GRAMD2B: variants seen among roughly 807,000 people sequenced by gnomAD.
GRAMD2B encodes GRAM domain containing 2B.
GRAMD2B carries 41 observed loss-of-function variants against 59.2 expected under a neutral mutation model. The observed-to-expected ratio is 0.69, with a 90% CI of 0.54 to 0.90. GRAMD2B has a LOEUF of 0.90. Among genes scored for constraint, GRAMD2B ranks in the 40% least tolerant of loss-of-function variants. GRAMD2B has a pLI of 0.00. For synonymous variants in GRAMD2B, 161 were observed against 182.7 expected (o/e 0.88, Z 0.96); for missense variants, 424 against 500.5 (o/e 0.85, Z 1.46).
intron 1 of GRAMD2B, among the ~76,000 whole-genome samples, chr5:126,379,931 C>CTT (rs1026510806): frequency 2.6e-5 from 4 of 152,008 alleles, no homozygotes; most frequent in African/African-American, 9.7e-5. Flanking sequence ...ACCTATTTAT[C>CTT]TTTGTTTTTG....
chr5:126,469,080 C>A (rs1031049307), intron 2 of GRAMD2B, among the ~76,000 whole-genome samples: 1 of 152,152 alleles, frequency 6.6e-6, no homozygotes, highest in Non-Finnish European at 1.5e-5. Flanking sequence ...TCAAGTACTC[C>A]TTTTTAAATA....
chr5:126,371,698 C>A, intron 1 of GRAMD2B: 1 of 755,080 alleles, frequency 1.3e-6, no homozygotes, highest in Non-Finnish European at 1.8e-6. Flanking sequence ...GAAGGTGCAG[C>A]CTAGGCATCC....
At chr5:126,472,793 A>G (rs544469172) in intron 4 of GRAMD2B, among the ~76,000 whole-genome samples, 1 of 152,328 alleles carries the variant, frequency 6.6e-6, no homozygotes, top group South Asian at 2.1e-4. Flanking sequence ...CCAAAGTTCC[A>G]TTCTAGCCTC....
chr5:126,385,794 T>TG (rs1580729115), intron 1 of GRAMD2B, among the ~76,000 whole-genome samples: 1 of 151,986 alleles, frequency 6.6e-6, no homozygotes, highest in African/African-American at 2.4e-5. Context: ...GAGGGAGCAA[T>TG]GGGGGGTGCA....
chr5:126,438,387 T>A (rs749181458), intron 1 of GRAMD2B, among the ~76,000 whole-genome samples: 1 of 151,992 alleles, frequency 6.6e-6, no homozygotes, highest in Non-Finnish European at 1.5e-5. Flanking sequence ...GGCTTGAACA[T>A]GAGTAAGAGA....
chr5:126,468,267 T>G (rs909584670), intron 2 of GRAMD2B, among the ~76,000 whole-genome samples: 2 of 152,224 alleles, frequency 1.3e-5, no homozygotes, highest in South Asian at 4.1e-4. Flanking sequence ...AAGGAAACTC[T>G]GGAGCTCTGA....
At chr5:126,389,158 A>C (rs1196726017) in intron 1 of GRAMD2B, among the ~76,000 whole-genome samples, 1 of 152,196 alleles carries the variant, frequency 6.6e-6, no homozygotes, top group Non-Finnish European at 1.5e-5. Flanking sequence ...ATCATGTTGC[A>C]CTTTAGTTTG....
rs886248945 is a variant in GRAMD2B at position 126,450,907 on chromosome 5, G to A, written c.84-14519G>A. Reference sequence around the variant, plus strand: ...ACATACCCAGGCAGAAGCCTGTCGCGCGGCGTAGCCAACACAAAAACTCTA... The same window carrying A: ...ACATACCCAGGCAGAAGCCTGTCGCACGGCGTAGCCAACACAAAAACTCTA... On this transcript the variant is annotated intron_variant, in intron 1 of 13. Transcript: ENST00000285689. Among the ~76,000 whole-genome samples, 29 of 152,340 alleles carry A rather than the reference G, an allele frequency of 1.9e-4. 1 individual carries two copies. The highest frequency in any genetic ancestry group is 3.9e-4 in the East Asian group (2 of 5,186).
chr5:126,449,238 C>T (rs994283326), intron 1 of GRAMD2B, among the ~76,000 whole-genome samples: 8 of 152,044 alleles, frequency 5.3e-5, no homozygotes, highest in Non-Finnish European at 8.8e-5. Context: ...TCTTCTATCC[C>T]GTAAAAGTTA....
intron 1 of GRAMD2B, among the ~76,000 whole-genome samples, chr5:126,396,979 G>A (rs1757410749): frequency 6.6e-6 from 1 of 152,062 alleles, no homozygotes; most frequent in Admixed American, 6.5e-5. Context: ...GTCTTCTTTT[G>A]AAAAGTGTCA....
chr5:126,478,937 A>T (rs778767041), intron 6 of GRAMD2B, among the ~76,000 whole-genome samples: 1 of 152,146 alleles, frequency 6.6e-6, no homozygotes, highest in South Asian at 2.1e-4. Context: ...CAGGTACAGG[A>T]TCAGTTTTTA....
chr5:126,420,782 AC>A (rs562782317), upstream of GRAMD2B, among the ~76,000 whole-genome samples: 147 of 152,302 alleles, frequency 9.7e-4, no homozygotes, highest in African/African-American at 3.4e-3. Context: ...ACATTTGCAC[AC>A]CCATGTTCAT....
At chr5:126,422,923 C>CT (rs112557939), upstream of GRAMD2B, among the ~76,000 whole-genome samples, 330 of 151,350 alleles carry the variant, frequency 2.2e-3, 3 homozygotes, top group African/African-American at 7.5e-3. Flanking sequence ...CCACCCCCCC[C>CT]ACCCCAGAAC....
At chr5:126,408,365 G>T (rs1306027876) in intron 1 of GRAMD2B, among the ~76,000 whole-genome samples, 3 of 152,154 alleles carry the variant, frequency 2.0e-5, no homozygotes, top group Admixed American at 2.0e-4. Flanking sequence ...GGGCACATAG[G>T]TTGATTCCAT....
intron 1 of GRAMD2B, among the ~76,000 whole-genome samples, chr5:126,440,184 G>A (rs868702713): frequency 6.6e-6 from 1 of 152,026 alleles, no homozygotes; most frequent in African/African-American, 2.4e-5. Context: ...CCCAGAAATC[G>A]ATTTAATAAG....
At chr5:126,383,365 T>C (rs1461359262) in intron 1 of GRAMD2B, among the ~76,000 whole-genome samples, 1 of 152,244 alleles carries the variant, frequency 6.6e-6, no homozygotes, top group Non-Finnish European at 1.5e-5. Context: ...TGTGTAATTA[T>C]GTGGAAGACC....
At chr5:126,380,705 C>T (rs115568690) in intron 1 of GRAMD2B, among the ~76,000 whole-genome samples, 122 of 152,152 alleles carry the variant, frequency 8.0e-4, no homozygotes, top group African/African-American at 2.6e-3. Flanking sequence ...TCAGCTTGGT[C>T]GCTGTTGGTA....
upstream of GRAMD2B, among the ~76,000 whole-genome samples, chr5:126,366,320 A>G (rs1021066823): frequency 2.6e-5 from 4 of 152,242 alleles, no homozygotes. Flanking sequence ...TAGACTGTCA[A>G]TGCTTGCCCT....
intron 6 of GRAMD2B, 35 bp from the exon 7 acceptor site, chr5:126,480,421 A>C: frequency 6.8e-7 from 1 of 1,464,454 alleles, no homozygotes; most frequent in Non-Finnish European, 9.6e-7. Flanking sequence ...TCATCCGGCA[A>C]TATCTATTCA....
Sources: gnomAD v4.1 joint callset for allele counts (sites outside exome capture counted in the v4.1 genomes callset) on GRCh38, gnomAD v4.1.1 for gene constraint, MANE v1.5 for transcripts, NCBI Gene and HGNC (gene_info 2026-07-23, HGNC 2026-07-21) for gene names.